Variants in BIRC6 observed in about 807,000 individuals in gnomAD.
The protein encoded by BIRC6 is dual E2 ubiquitin-conjugating enzyme/E3 ubiquitin-protein ligase BIRC6.
BIRC6 carries 98 observed loss-of-function variants against 503.3 expected under a neutral mutation model. That is an observed-to-expected ratio of 0.19 (90% CI 0.17 to 0.23). BIRC6 has a LOEUF of 0.23. Ranked by LOEUF, BIRC6 falls within the 10% of genes least tolerant of loss-of-function variation. BIRC6 has a pLI of 1.00. For synonymous variants in BIRC6, 2,240 were observed against 2,078.7 expected, an observed-to-expected ratio of 1.08 and a Z score of -2.11; for missense variants, 5,360 against 5,806.0, an observed-to-expected ratio of 0.92 and a Z score of 2.50.
intron 3 of BIRC6, among the ~76,000 whole-genome samples, chr2:32,387,314 T>G (rs1256357701): frequency 6.6e-6 from 1 of 151,758 alleles, no homozygotes; most frequent in African/African-American, 2.4e-5. Context: ...TTTTTTTTTT[T>G]TTTTTTTAGC....
chr2:32,420,188 C>G (rs2042787115), intron 10 of BIRC6, among the ~76,000 whole-genome samples: 1 of 151,998 alleles, frequency 6.6e-6, no homozygotes, highest in Non-Finnish European at 1.5e-5. Context: ...TTTTTGTAAT[C>G]TTTATCTGGT....
At chr2:32,537,700 C>T (rs1244725548) in intron 61 of BIRC6, among the ~76,000 whole-genome samples, 2 of 152,308 alleles carry the variant, frequency 1.3e-5, no homozygotes, top group South Asian at 4.1e-4. Context: ...GGCGCAGTGG[C>T]TCAAGCCTGC....
At chr2:32,545,580 A>T (rs1271906996) in intron 62 of BIRC6, 63 bp from the exon 63 acceptor site, 2 of 1,351,080 alleles carry the variant, frequency 1.5e-6, no homozygotes, top group African/African-American at 2.9e-5. Flanking sequence ...ATGACCCTGT[A>T]TGTAACTTCT....
At chr2:32,507,300 C>G (rs1375283369) in intron 50 of BIRC6, among the ~76,000 whole-genome samples, 1 of 152,208 alleles carries the variant, frequency 6.6e-6, no homozygotes, top group East Asian at 1.9e-4. Context: ...TGTAGTGGCA[C>G]CTACCTGTAG....
chr2:32,556,887 C>T (rs926353577), intron 65 of BIRC6, among the ~76,000 whole-genome samples: 3 of 152,002 alleles, frequency 2.0e-5, no homozygotes, highest in Non-Finnish European at 2.9e-5. Flanking sequence ...TGCAGTGAGT[C>T]AAGAACGAGC....
At chr2:32,394,029 G>A (rs1438504630) in intron 5 of BIRC6, among the ~76,000 whole-genome samples, 1 of 150,870 alleles carries the variant, frequency 6.6e-6, no homozygotes, top group Admixed American at 6.6e-5. Flanking sequence ...TTGGAGACTG[G>A]CTAATATTAG....
At chr2:32,559,249 A>T (rs968146640) in intron 65 of BIRC6, among the ~76,000 whole-genome samples, 11 of 152,214 alleles carry the variant, frequency 7.2e-5, no homozygotes, top group African/African-American at 2.4e-4. Context: ...CCTTTTGAGG[A>T]TTGGAAGGAT....
chr2:32,505,247 T>A, intron 50 of BIRC6, 42 bp downstream of exon 50: 1 of 1,446,354 alleles, frequency 6.9e-7, no homozygotes, highest in Non-Finnish European at 9.5e-7. Flanking sequence ...GAACAAGCTT[T>A]AATTTAGAAA....
At chr2:32,364,525 G>A (rs2034596970) in intron 1 of BIRC6, among the ~76,000 whole-genome samples, 1 of 152,220 alleles carries the variant, frequency 6.6e-6, no homozygotes, top group Non-Finnish European at 1.5e-5. Flanking sequence ...GCAGGCGTGA[G>A]CCACCGTGCC....
chr2:32,558,442 A>G (rs768065510), intron 65 of BIRC6, among the ~76,000 whole-genome samples: 1 of 152,174 alleles, frequency 6.6e-6, no homozygotes, highest in African/African-American at 2.4e-5. Context: ...TTTCCTTTGA[A>G]GATTAGAGGA....
Position 32,435,503 on chromosome 2 carries a change from C to T in BIRC6, c.3417C>T (p.Asn1139=). ...APGLGKVNAL[N]IEVEQNGKPS... ...CCTTTCCTTTGTCTCCAGCTCTTAA[C>T]ATTGAAGTGGAACAAAATGGGAAAC... Residue 1139 remains asparagine, a synonymous_variant, in exon 14 of 74, where the codon AAC becomes AAT. Coordinates refer to ENST00000421745, the MANE Select transcript of BIRC6 (RefSeq NM_016252.4). 3 of 1,552,884 alleles carry T rather than the reference C, an allele frequency of 1.9e-6. No homozygotes were observed. Among genetic ancestry groups the T allele is most frequent in the East Asian group, 2.4e-5 (1 of 41,326 alleles).
intron 65 of BIRC6, among the ~76,000 whole-genome samples, chr2:32,553,863 A>C (rs756919881): frequency 1.3e-5 from 2 of 152,216 alleles, no homozygotes; most frequent in African/African-American, 4.8e-5. Context: ...TGCTTACTAA[A>C]ATAAAGACAT....
chr2:32,452,192 T>G (rs1406592024), intron 22 of BIRC6, among the ~76,000 whole-genome samples: 1 of 152,184 alleles, frequency 6.6e-6, no homozygotes, highest in Non-Finnish European at 1.5e-5. Context: ...AAAACAACAT[T>G]TTATAACACG....
chr2:32,477,331 A>C (rs2049881347), intron 34 of BIRC6, 37 bp from the exon 35 acceptor site: 1 of 1,587,264 alleles, frequency 6.3e-7, no homozygotes, highest in Non-Finnish European at 8.6e-7. Context: ...TTCATTAAGT[A>C]AACATTGATT....
intron 15 of BIRC6, among the ~76,000 whole-genome samples, chr2:32,438,530 T>C (rs906777002): frequency 4.6e-5 from 7 of 151,834 alleles, no homozygotes; most frequent in Non-Finnish European, 8.8e-5. Flanking sequence ...TAATATCACA[T>C]ACTAGTGATA....
Position 32,549,374 on chromosome 2 carries a change from A to G in BIRC6, c.13037A>G (p.His4346Arg), listed in dbSNP as rs137991740. 3 of 1,509,708 alleles carry G rather than the reference A, an allele frequency of 2.0e-6. No individual in the cohort carries two copies. The highest frequency in any genetic ancestry group is 1.4e-5 in the African/African-American group (1 of 73,656). The allele number at this position is 1,509,708 out of a possible 1,614,324, so 93.5% of individuals were successfully genotyped here. ...SAVNGEAQSS[H>R]ETRGQNSNAL... Reference sequence around the variant, plus strand: ...GTAAATGGAGAAGCTCAGTCATCTCATGAGACTAGAGGGCAGAACAGTAAT... The same window carrying G: ...GTAAATGGAGAAGCTCAGTCATCTCGTGAGACTAGAGGGCAGAACAGTAAT... The change falls in exon 65 of 74, where the codon CAT becomes CGT. Residue 4346 changes from histidine to arginine, a missense_variant. Physicochemically the swap from His to Arg is conservative, Grantham distance 29. Coordinates refer to ENST00000421745, the MANE Select transcript of BIRC6 (RefSeq NM_016252.4).
chr2:32,407,749 G>C (rs1222677030), intron 9 of BIRC6, among the ~76,000 whole-genome samples: 1 of 152,004 alleles, frequency 6.6e-6, no homozygotes, highest in Non-Finnish European at 1.5e-5. Context: ...ATCTTTAGCA[G>C]TCTTTTGAAG....
intron 65 of BIRC6, chr2:32,564,368 A>T (rs1487273983): frequency 6.6e-6 from 1 of 152,142 alleles, no homozygotes; most frequent in Non-Finnish European, 1.5e-5. Flanking sequence ...TTGCTTTTCC[A>T]TCAGTTGATG....
Position 32,357,151 on chromosome 2 carries a change from C to T in BIRC6, c.-11C>T, listed in dbSNP as rs372494501. The T allele has an allele frequency of 3.4e-4, 503 of 1,491,560 alleles. No homozygotes were observed. The highest frequency in any genetic ancestry group is 4.2e-4 in the Non-Finnish European group (477 of 1,135,018). The allele number at this position is 1,491,560 out of a possible 1,614,324, so 92.4% of individuals were successfully genotyped here. A position where few individuals can be genotyped will look rare whatever the true frequency, so the allele number is the denominator to read the frequency against. ...TCCGGCTAACGCGCTCGGCTTGCCC[C>T]CTGGCCCCGGATGGTGACTGGTGGT... On this transcript the variant is annotated 5_prime_UTR_variant, in exon 1 of 74. Transcript: ENST00000421745. This position sits in a 1 kb window ranked among gnomAD's most constrained non-coding sequence, Gnocchi z 4.9.
Sources: allele counts gnomAD v4.1 joint callset (sites outside exome capture counted in the v4.1 genomes callset), GRCh38; gene constraint gnomAD v4.1.1; non-coding constraint Gnocchi (gnomAD v3.1); transcripts MANE v1.5; gene names NCBI Gene and HGNC (gene_info 2026-07-23, HGNC 2026-07-21).